The following PRKN variants were observed in gnomAD, a reference collection of about 807,000 sequenced individuals.
PRKN encodes the protein E3 ubiquitin-protein ligase parkin.
Under a neutral mutation model 59.5 loss-of-function variants are expected in PRKN, and 56 were observed. That is an observed-to-expected ratio of 0.94 (90% CI 0.76 to 1.18). The LOEUF (loss-of-function observed/expected upper bound fraction) is 1.18, where lower values mean the gene tolerates loss of function less well. Among genes scored for constraint, PRKN ranks in the 50% most tolerant of loss-of-function variants. PRKN has a pLI of 0.00. For synonymous variants in PRKN, 250 were observed against 222.1 expected (o/e 1.13, Z -1.12); for missense variants, 657 against 596.4 (o/e 1.10, Z -1.06).
chr6:161,757,338 T>C (rs1014422455), intron 7 of PRKN, among the ~76,000 whole-genome samples: 1 of 152,206 alleles, frequency 6.6e-6, no homozygotes, highest in African/African-American at 2.4e-5. Context: ...ATACATCTGA[T>C]AAAATACTTG....
At chr6:161,925,936 C>A (rs972749248) in intron 6 of PRKN, among the ~76,000 whole-genome samples, 17 of 152,080 alleles carry the variant, frequency 1.1e-4, no homozygotes, top group African/African-American at 4.1e-4. Flanking sequence ...CTCCTCCCCA[C>A]GAGACTCATT....
intron 1 of PRKN, among the ~76,000 whole-genome samples, chr6:162,626,354 A>G (rs948810941): frequency 1.3e-5 from 2 of 152,200 alleles, no homozygotes; most frequent in East Asian, 3.9e-4. Flanking sequence ...GGACAGCATA[A>G]TACTTGCACT....
At chr6:162,215,194 A>C (rs1220408045) in intron 3 of PRKN, among the ~76,000 whole-genome samples, 2 of 152,166 alleles carry the variant, frequency 1.3e-5, no homozygotes, top group African/African-American at 4.8e-5. Flanking sequence ...AGATAATTTT[A>C]TCTCTCCTAC....
At position 161,360,194 on chromosome 6, in the gene PRKN, G is replaced by T; in HGVS notation, c.1179C>A (p.Val393=). 5 of 1,613,070 alleles carry T rather than the reference G, an allele frequency of 3.1e-6. No individual in the cohort carries two copies. The highest frequency in any genetic ancestry group is 4.5e-5 in the East Asian group (2 of 44,876). Residue 393 remains valine (V), a synonymous_variant, in exon 11 of 12, where the codon GTC becomes GTA. Transcript: ENST00000366898. This position sits in a 1 kb window ranked among gnomAD's most constrained non-coding sequence, Gnocchi z 5.1. ...ASGTTTQAYR[V]DERAAEQARW... is the part of the protein sequence containing the mutation. Reference sequence around the variant, plus strand: ...GAGCCTGCTCGGCGGCTCTTTCATCGACTCTGTAGGCCTGGGGAAACAAAG... The same window carrying T: ...GAGCCTGCTCGGCGGCTCTTTCATCTACTCTGTAGGCCTGGGGAAACAAAG...
At chr6:162,061,930 A>G (rs938595039) in intron 4 of PRKN, among the ~76,000 whole-genome samples, 1 of 152,256 alleles carries the variant, frequency 6.6e-6, no homozygotes, top group African/African-American at 2.4e-5. Flanking sequence ...AAGACAGGCA[A>G]GTTGGAAGAC....
intron 4 of PRKN, among the ~76,000 whole-genome samples, chr6:162,078,103 C>T (rs1005140649): frequency 3.3e-5 from 5 of 151,650 alleles, no homozygotes; most frequent in African/African-American, 1.2e-4. Context: ...ATTTGATATT[C>T]CATAAACCTT....
intron 6 of PRKN, among the ~76,000 whole-genome samples, chr6:161,822,929 G>A (rs1583209351): frequency 6.6e-6 from 1 of 151,788 alleles, no homozygotes; most frequent in Admixed American, 6.6e-5. Flanking sequence ...TTTTTTAACT[G>A]GTTTACTTAT....
intron 4 of PRKN, among the ~76,000 whole-genome samples, chr6:162,183,523 G>C (rs1468389262): frequency 1.3e-5 from 2 of 152,164 alleles, no homozygotes; most frequent in African/African-American, 4.8e-5. Context: ...TCTTGGTATG[G>C]GGAGGGAAAG....
intron 1 of PRKN, among the ~76,000 whole-genome samples, chr6:162,583,520 T>C (rs1454996416): frequency 2.6e-5 from 4 of 152,222 alleles, no homozygotes; most frequent in East Asian, 1.9e-4. Context: ...ACAGGATATA[T>C]ACTCCTGAAG....
intron 2 of PRKN, among the ~76,000 whole-genome samples, chr6:162,435,660 G>T (rs1789733698): frequency 6.6e-6 from 1 of 152,134 alleles, no homozygotes; most frequent in Non-Finnish European, 1.5e-5. Flanking sequence ...TTCTTTGGAG[G>T]AACTCAAGAG....
chr6:161,789,484 C>T (rs2128207608), intron 6 of PRKN, among the ~76,000 whole-genome samples: 1 of 152,296 alleles, frequency 6.6e-6, no homozygotes, highest in African/African-American at 2.4e-5. Flanking sequence ...GCCATCTAGT[C>T]TCACGGTAAT....
At chr6:161,638,934 GT>G in intron 7 of PRKN, among the ~76,000 whole-genome samples, 1 of 151,898 alleles carries the variant, frequency 6.6e-6, no homozygotes, top group South Asian at 2.1e-4. Flanking sequence ...TACAGACGGG[GT>G]TTCACCATGT....
chr6:162,246,792 G>A lies in PRKN; in HGVS notation c.412+15733C>T, dbSNP rs574849689. On this transcript the variant is annotated intron_variant, in intron 3 of 11. Coordinates refer to ENST00000366898, the MANE Select transcript of PRKN (RefSeq NM_004562.3). ...TTCAATCACAAAATCTTGCATTACA[G>A]TGACATAATTTTAAAGTTTTTTGAA... Among the ~76,000 whole-genome samples the A allele has an allele frequency of 1.2e-4, 18 of 152,190 alleles. No individual in the cohort carries two copies. The East Asian group carries it at 3.3e-3, about 28-fold the overall frequency.
At chr6:161,743,081 T>C (rs1246738928) in intron 7 of PRKN, among the ~76,000 whole-genome samples, 2 of 152,156 alleles carry the variant, frequency 1.3e-5, no homozygotes, top group Non-Finnish European at 2.9e-5. Context: ...TTTCAACTTA[T>C]TGGCTGAAAT....
At position 161,407,790 on chromosome 6, in the gene PRKN, T is replaced by C. The variant is rs903053886; in HGVS notation, c.1084-20913A>G. Among the ~76,000 whole-genome samples, 6 of 152,140 alleles carry C rather than the reference T, an allele frequency of 3.9e-5. No individual in the cohort carries two copies. The highest frequency in any genetic ancestry group is 1.4e-4 in the African/African-American group (6 of 41,416). On this transcript the variant is annotated intron_variant, in intron 9 of 11. Coordinates refer to ENST00000366898, the MANE Select transcript of PRKN (RefSeq NM_004562.3). The surrounding 1 kb of genome is among the most constrained non-coding windows in gnomAD (Gnocchi z 4.9). ...CTTATGACATTCCACCATTATGACTTGTTCTGGCCCTGCCCCAACTGATCA... is the reference window on the plus strand; with the variant it reads ...CTTATGACATTCCACCATTATGACTCGTTCTGGCCCTGCCCCAACTGATCA...
At chr6:161,926,537 T>G (rs1490403656) in intron 6 of PRKN, among the ~76,000 whole-genome samples, 3 of 152,148 alleles carry the variant, frequency 2.0e-5, no homozygotes. Context: ...AAATGTGTGT[T>G]CAGAGGGCTG....
chr6:161,671,243 C>T (rs1443332092), intron 7 of PRKN, among the ~76,000 whole-genome samples: 1 of 152,110 alleles, frequency 6.6e-6, no homozygotes, highest in Non-Finnish European at 1.5e-5. Context: ...GAATAGGCAG[C>T]AGTGCACCTC....
intron 7 of PRKN, among the ~76,000 whole-genome samples, chr6:161,633,393 C>G (rs1235497407): frequency 1.3e-5 from 2 of 152,174 alleles, no homozygotes; most frequent in Non-Finnish European, 2.9e-5. Flanking sequence ...TACTATATTC[C>G]CCTTAGCAAC....
intron 2 of PRKN, chr6:162,263,308 T>A (rs920877036): frequency 5.2e-6 from 1 of 190,716 alleles, no homozygotes; most frequent in African/African-American, 2.4e-5. Context: ...TTCATCTCTG[T>A]TTTACAAAAG....
Sources: gnomAD v4.1 joint callset for allele counts (sites outside exome capture counted in the v4.1 genomes callset) on GRCh38, gnomAD v4.1.1 for gene constraint, Gnocchi (gnomAD v3.1) non-coding constraint, MANE v1.5 for transcripts, NCBI Gene and HGNC (gene_info 2026-07-23, HGNC 2026-07-21) for gene names.